The following DGKB variants were observed in gnomAD, a reference collection of about 807,000 sequenced individuals.
DGKB encodes diacylglycerol kinase beta.
DGKB carries 67 observed loss-of-function variants against 114.3 expected under a neutral mutation model. The ratio of observed to expected loss-of-function variants is 0.59; its 90% CI spans 0.48 to 0.72. The LOEUF is 0.72. Among genes scored for constraint, DGKB ranks in the 30% least tolerant of loss-of-function variants. DGKB has a pLI of 0.00. For synonymous variants in DGKB, 398 were observed against 323.1 expected (o/e 1.23, Z -2.49); for missense variants, 907 against 975.2 (o/e 0.93, Z 0.93).
chr7:14,253,822 A>G (rs1795586063), intron 23 of DGKB, among the ~76,000 whole-genome samples: 1 of 152,204 alleles, frequency 6.6e-6, no homozygotes. Flanking sequence ...TCTCCCAAAT[A>G]TACAGTATGT....
At chr7:14,768,145 A>C (rs1037700884) in intron 2 of DGKB, among the ~76,000 whole-genome samples, 2 of 151,968 alleles carry the variant, frequency 1.3e-5, no homozygotes, top group South Asian at 4.1e-4. Flanking sequence ...TAAAACTCCA[A>C]AATATTGTTC....
chr7:14,175,854 A>T (rs1781650317), intron 25 of DGKB: 1 of 152,116 alleles, frequency 6.6e-6, no homozygotes, highest in South Asian at 2.1e-4. Context: ...ACCCGGGCTG[A>T]AGTGCGGTGG....
intron 23 of DGKB, among the ~76,000 whole-genome samples, chr7:14,198,250 A>G (rs1034191710): frequency 3.3e-5 from 5 of 152,084 alleles, no homozygotes; most frequent in African/African-American, 1.2e-4. Flanking sequence ...TCTAGGGAAA[A>G]CTAAGGTGAG....
At chr7:14,324,203 C>T (rs1412048817) in intron 23 of DGKB, among the ~76,000 whole-genome samples, 1 of 152,050 alleles carries the variant, frequency 6.6e-6, no homozygotes, top group South Asian at 2.1e-4. Context: ...AATCCCAGCA[C>T]TTTGGGAGGT....
At chr7:14,718,759 A>G (rs1828655806) in intron 5 of DGKB, 74 bp from the exon 6 acceptor site, 3 of 1,124,032 alleles carry the variant, frequency 2.7e-6, no homozygotes, top group Admixed American at 2.4e-5. Flanking sequence ...TTAAGAAAAT[A>G]GAGAACACAC....
At chr7:14,551,849 T>A (rs1795147131) in intron 20 of DGKB, among the ~76,000 whole-genome samples, 1 of 152,182 alleles carries the variant, frequency 6.6e-6, no homozygotes. Flanking sequence ...GTTGAAACAC[T>A]AAGTCATATT....
At chr7:14,590,454 A>G (rs1801517205) in intron 17 of DGKB, among the ~76,000 whole-genome samples, 1 of 152,134 alleles carries the variant, frequency 6.6e-6, no homozygotes, top group African/African-American at 2.4e-5. Flanking sequence ...ATGATGTTTC[A>G]TCTGTTATTC....
intron 25 of DGKB, among the ~76,000 whole-genome samples, chr7:14,169,700 A>G (rs78715989): frequency 0.11 from 17,028 of 152,240 alleles, 1,289 homozygotes; most frequent in Non-Finnish European, 0.16. Flanking sequence ...GTCAGTAGTA[A>G]TTCTGGCAAC....
intron 13 of DGKB, among the ~76,000 whole-genome samples, chr7:14,644,928 G>T (rs1812621592): frequency 1.3e-5 from 2 of 152,030 alleles, no homozygotes; most frequent in Non-Finnish European, 2.9e-5. Flanking sequence ...AGGCAGACAG[G>T]GATGGGTCTC....
intron 13 of DGKB, among the ~76,000 whole-genome samples, chr7:14,664,064 A>C (rs1009859128): frequency 1.3e-5 from 2 of 151,950 alleles, no homozygotes; most frequent in African/African-American, 4.8e-5. Context: ...GTCAAGTAAT[A>C]ACTATTTTTA....
chr7:14,401,983 CA>C (rs1294569910), intron 21 of DGKB, among the ~76,000 whole-genome samples: 11 of 144,366 alleles, frequency 7.6e-5, no homozygotes, highest in African/African-American at 1.5e-4. Flanking sequence ...CACACACACA[CA>C]CACCCGCTAT....
chr7:14,268,304 G>T (rs1009154575), intron 23 of DGKB, among the ~76,000 whole-genome samples: 2 of 152,058 alleles, frequency 1.3e-5, no homozygotes, highest in African/African-American at 4.8e-5. Flanking sequence ...TAAGGATGCT[G>T]TGAGATTCAC....
chr7:14,389,263 C>G (rs986508412), intron 21 of DGKB, among the ~76,000 whole-genome samples: 1 of 152,142 alleles, frequency 6.6e-6, no homozygotes, highest in Non-Finnish European at 1.5e-5. Context: ...ACTGTTTTCA[C>G]CCATCAAACA....
chr7:14,663,336 G>A (rs181175785), intron 13 of DGKB, among the ~76,000 whole-genome samples: 1 of 152,034 alleles, frequency 6.6e-6, no homozygotes, highest in East Asian at 1.9e-4. Context: ...TTTATAGGTG[G>A]TTTATCAATA....
intron 1 of DGKB, among the ~76,000 whole-genome samples, chr7:14,885,051 A>G (rs1365216662): frequency 6.6e-6 from 1 of 151,938 alleles, no homozygotes; most frequent in Non-Finnish European, 1.5e-5. Context: ...GCACAGAAAA[A>G]TGCATTAGCC....
At chr7:14,859,431 G>A (rs1306863720) in intron 1 of DGKB, among the ~76,000 whole-genome samples, 1 of 152,056 alleles carries the variant, frequency 6.6e-6, no homozygotes, top group Non-Finnish European at 1.5e-5. Context: ...ATATAGGTGA[G>A]TCAGAAAGAA....
At chr7:14,943,281 T>C (rs1274218849) in intron 1 of DGKB, among the ~76,000 whole-genome samples, 1 of 151,948 alleles carries the variant, frequency 6.6e-6, no homozygotes, top group East Asian at 1.9e-4. Flanking sequence ...CATGTTCATA[T>C]ACATCAATTA....
chr7:14,410,210 A>ATATT (rs1824640949), intron 21 of DGKB, among the ~76,000 whole-genome samples: 1 of 150,948 alleles, frequency 6.6e-6, no homozygotes, highest in Non-Finnish European at 1.5e-5. Context: ...ATATATATAT[A>ATATT]TACACATATA....
chr7:14,368,503 G>A (rs977977100), intron 21 of DGKB, among the ~76,000 whole-genome samples: 12 of 152,054 alleles, frequency 7.9e-5, no homozygotes, highest in Non-Finnish European at 1.8e-4. Context: ...ATCAGCTTGA[G>A]TTGACTGGTA....
Sources: gnomAD v4.1 joint callset for allele counts (sites outside exome capture counted in the v4.1 genomes callset) on GRCh38, gnomAD v4.1.1 for gene constraint, MANE v1.5 for transcripts, NCBI Gene and HGNC (gene_info 2026-07-23, HGNC 2026-07-21) for gene names.